Variants in CADPS2 observed in about 807,000 individuals in gnomAD.
CADPS2 encodes the protein calcium dependent secretion activator 2.
A neutral mutation model predicts 172.5 loss-of-function variants in CADPS2; 93 were observed. The observed-to-expected ratio is 0.54, with a 90% CI of 0.46 to 0.64. The LOEUF is 0.64. Ranked by LOEUF, CADPS2 falls within the 30% of genes least tolerant of loss-of-function variation. CADPS2 has a pLI of 0.00. For missense variants in CADPS2, 1,420 were observed against 1,565.9 expected, an observed-to-expected ratio of 0.91 and a Z score of 1.57; for synonymous variants, 546 against 555.2, an observed-to-expected ratio of 0.98 and a Z score of 0.23.
chr7:122,491,477 T>A (rs1264122077), intron 9 of CADPS2, 57 bp from the exon 10 acceptor site: 8 of 854,654 alleles, frequency 9.4e-6, no homozygotes, highest in Admixed American at 3.0e-5. Flanking sequence ...CAAATTTAAC[T>A]TTCGTTTTTT....
At chr7:122,770,494 C>T (rs1379417094) in intron 1 of CADPS2, among the ~76,000 whole-genome samples, 2 of 152,168 alleles carry the variant, frequency 1.3e-5, no homozygotes, top group African/African-American at 2.4e-5. Flanking sequence ...ACAGTATCTG[C>T]TGCAACTCAC....
At position 122,484,006 on chromosome 7, in the gene CADPS2, A is replaced by C. The variant is rs2057554689; in HGVS notation, c.1853-3146T>G. The stretch of plus-strand genomic sequence containing the variant: ...ATGGTATTCACAGATTGGAAGACTC[A>C]ATATTAAGAAGTCAGTTTTCCAAAA... On this transcript the variant is annotated intron_variant, in intron 11 of 29. Transcript: ENST00000449022. Among the ~76,000 whole-genome samples, 3 of 152,272 alleles carry C rather than the reference A, an allele frequency of 2.0e-5. No homozygotes were observed. The Middle Eastern group carries it at 0.01, about 518-fold the overall frequency.
chr7:122,437,974 T>A (rs2050858999), intron 17 of CADPS2, among the ~76,000 whole-genome samples: 1 of 152,124 alleles, frequency 6.6e-6, no homozygotes, highest in African/African-American at 2.4e-5. Flanking sequence ...TAAAATTACA[T>A]AATACTACAC....
intron 1 of CADPS2, among the ~76,000 whole-genome samples, chr7:122,780,527 A>T (rs151024603): frequency 3.4e-4 from 51 of 152,078 alleles, no homozygotes; most frequent in African/African-American, 1.1e-3. Flanking sequence ...CCCATCAATA[A>T]TCCGATTTAG....
chr7:122,849,125 G>T (rs76641671), intron 1 of CADPS2, among the ~76,000 whole-genome samples: 2,227 of 152,236 alleles, frequency 0.015, 53 homozygotes, highest in African/African-American at 0.051. Context: ...GGACAACTCA[G>T]AAATTTGCAT....
At chr7:122,326,351 T>C (rs527309660) in intron 28 of CADPS2, among the ~76,000 whole-genome samples, 62 of 152,256 alleles carry the variant, frequency 4.1e-4, no homozygotes, top group Non-Finnish European at 7.9e-4. Context: ...GAAATTCTTC[T>C]TTAATGCAAT....
At chr7:122,645,414 CATGT>C (rs2078304364) in intron 3 of CADPS2, among the ~76,000 whole-genome samples, 8 of 87,586 alleles carry the variant, frequency 9.1e-5, no homozygotes, top group Non-Finnish European at 1.2e-4. Flanking sequence ...CATATACACA[CATGT>C]ATATGTGTGT....
chr7:122,647,407 C>T (rs2078682075), intron 3 of CADPS2, among the ~76,000 whole-genome samples: 1 of 152,134 alleles, frequency 6.6e-6, no homozygotes, highest in Admixed American at 6.6e-5. Context: ...CATCATATAT[C>T]AGAATCATGA....
chr7:122,374,583 A>G (rs2042131881), intron 25 of CADPS2, among the ~76,000 whole-genome samples: 2 of 152,166 alleles, frequency 1.3e-5, no homozygotes, highest in Non-Finnish European at 2.9e-5. Context: ...AAACAAATTC[A>G]GTAAAGTTGC....
intron 11 of CADPS2, among the ~76,000 whole-genome samples, chr7:122,481,357 T>C (rs991540704): frequency 6.6e-6 from 1 of 152,130 alleles, no homozygotes; most frequent in African/African-American, 2.4e-5. Flanking sequence ...TTTCCCTTTT[T>C]AGTTATAACA....
chr7:122,837,458 A>G (rs1808850972), intron 1 of CADPS2, among the ~76,000 whole-genome samples: 1 of 152,210 alleles, frequency 6.6e-6, no homozygotes, highest in Admixed American at 6.5e-5. Context: ...CAGAGACACA[A>G]AAAACCCTTC....
At chr7:122,478,863 T>C (rs912410811) in intron 12 of CADPS2, among the ~76,000 whole-genome samples, 7 of 152,160 alleles carry the variant, frequency 4.6e-5, no homozygotes, top group African/African-American at 1.2e-4. Flanking sequence ...TTGTGAATAG[T>C]GCCACAATAA....
At chr7:122,745,505 C>T (rs944089976) in intron 1 of CADPS2, among the ~76,000 whole-genome samples, 19 of 151,608 alleles carry the variant, frequency 1.3e-4, no homozygotes, top group African/African-American at 3.9e-4. Flanking sequence ...TTTATCCCTA[C>T]GCAATGTGTT....
rs778963218 is a variant in CADPS2 at position 122,637,208 on chromosome 7, T to TTTTTTTCTC, written c.787-7881_787-7880insGAGAAAAAA. On this transcript the variant is annotated intron_variant, in intron 3 of 29. Transcript: ENST00000449022. ...TTTTTTTTTTTTTTTTTTTTTTTTT[T>TTTTTTTCTC]CCTGAGACAGGGTCTCACTCTGTGG... Among the ~76,000 whole-genome samples, 56 of 62,682 alleles carry TTTTTTTCTC rather than the reference T, an allele frequency of 8.9e-4. 4 individuals are homozygous for TTTTTTTCTC. Among genetic ancestry groups the TTTTTTTCTC allele is most frequent in the Admixed American group, 2.4e-3 (9 of 3,792 alleles). The allele number at this position is 62,682 out of a possible 152,430, so 41.1% of individuals were successfully genotyped here.
intron 2 of CADPS2, among the ~76,000 whole-genome samples, chr7:122,712,155 T>C (rs1260576748): frequency 1.3e-5 from 2 of 152,140 alleles, no homozygotes; most frequent in Admixed American, 1.3e-4. Flanking sequence ...ACAATGTTAC[T>C]TTTTCCCCCT....
At chr7:122,884,657 T>A (rs1184639500) in intron 1 of CADPS2, among the ~76,000 whole-genome samples, 2 of 152,186 alleles carry the variant, frequency 1.3e-5, no homozygotes, top group Admixed American at 1.3e-4. Flanking sequence ...TGTGTGTGTT[T>A]TAAAAAGTTG....
chr7:122,422,019 G>A (rs529787603), intron 17 of CADPS2: 1 of 152,166 alleles, frequency 6.6e-6, no homozygotes, highest in Non-Finnish European at 1.5e-5. Context: ...CTATATATCA[G>A]ATGGATAATG....
chr7:122,680,306 A>G (rs957597695), intron 2 of CADPS2, among the ~76,000 whole-genome samples: 1 of 152,256 alleles, frequency 6.6e-6, no homozygotes, highest in Non-Finnish European at 1.5e-5. Context: ...AAATTTTGTT[A>G]AGAAATACCT....
chr7:122,765,613 C>T (rs2093524425), intron 1 of CADPS2, among the ~76,000 whole-genome samples: 2 of 151,968 alleles, frequency 1.3e-5, no homozygotes, highest in Admixed American at 6.6e-5. Flanking sequence ...AAAGTATATT[C>T]CATTGGTTAG....
Sources: gnomAD v4.1 joint callset for allele counts (sites outside exome capture counted in the v4.1 genomes callset) on GRCh38, gnomAD v4.1.1 for gene constraint, MANE v1.5 for transcripts, NCBI Gene and HGNC (gene_info 2026-07-23, HGNC 2026-07-21) for gene names.